Variants in PI15 observed in about 807,000 individuals in gnomAD.
PI15 encodes the protein 25 kDa trypsin inhibitor.
In PI15, 18 loss-of-function variants were observed where a neutral mutation model predicts 31.0. The observed-to-expected ratio is 0.58, with a 90% CI of 0.40 to 0.86. The LOEUF (loss-of-function observed/expected upper bound fraction) is 0.86. PI15 is among the 40% of genes least tolerant of loss of function. The probability of loss-of-function intolerance (pLI) is 0.00; values close to 1 mark genes in which losing one functional copy is unlikely to be tolerated. For synonymous variants in PI15, 118 were observed against 119.1 expected, an observed-to-expected ratio of 0.99 and a Z score of 0.06; for missense variants, 282 against 328.1, an observed-to-expected ratio of 0.86 and a Z score of 1.09.
At chr8:74,832,057 A>G (rs1810789674) in intron 2 of PI15, among the ~76,000 whole-genome samples, 1 of 152,180 alleles carries the variant, frequency 6.6e-6, no homozygotes. Flanking sequence ...AGAGGCTGTT[A>G]GGATAGTCTA....
At chr8:74,845,605 C>T (rs1811015175) in intron 5 of PI15, 108 bp downstream of exon 5, 1 of 672,038 alleles carries the variant, frequency 1.5e-6, no homozygotes, top group African/African-American at 1.8e-5. Context: ...GCTATAATGG[C>T]CTCTAATCCT....
chr8:74,843,405 T>TC (rs1285915325), intron 2 of PI15, among the ~76,000 whole-genome samples: 3 of 152,210 alleles, frequency 2.0e-5, no homozygotes, highest in Non-Finnish European at 2.9e-5. Flanking sequence ...TTTCTTTTAG[T>TC]TATAGCAGTC....
At chr8:74,842,244 A>C (rs577468515) in intron 2 of PI15, among the ~76,000 whole-genome samples, 2 of 152,106 alleles carry the variant, frequency 1.3e-5, no homozygotes, top group Non-Finnish European at 2.9e-5. Context: ...TAGGACAAAA[A>C]AGATCAATAG....
In PI15 at chr8:74,825,269, T is replaced by C. The variant is rs376840254; in HGVS notation, c.20T>C (p.Val7Ala). 9.9e-6 allele frequency: 16 copies of C among 1,613,428 alleles called. No homozygotes were observed. The highest frequency in any genetic ancestry group is 1.4e-5 in the Non-Finnish European group (16 of 1,179,556). ...CTCAAAATGATAGCAATCTCTGCCG[T>C]CAGCAGTGCACTCCTGTTCTCCCTT... The part of the protein sequence containing the change: MIAISA[V>A]SSALLFSLLC... The change falls in exon 2 of 6, where the codon GTC becomes GCC. Residue 7 changes from valine to alanine, a missense_variant. Coordinates refer to ENST00000260113, the MANE Select transcript of PI15 (RefSeq NM_015886.5).
At position 74,853,079 on chromosome 8, in the gene PI15, G is replaced by T. The variant is rs1811130218; in HGVS notation, c.*3826G>T. 1.3e-5 allele frequency: 2 copies of T among 152,470 alleles called. No individual in the cohort carries two copies. The highest frequency in any genetic ancestry group is 2.9e-5 in the Non-Finnish European group (2 of 67,942). The allele number at this position is 152,470 out of a possible 1,614,324, so 9.4% of individuals were successfully genotyped here. On this transcript the variant is annotated 3_prime_UTR_variant, in exon 6 of 6. Transcript: ENST00000260113. ...CATGCAAAATAATTTTTTAAATTAT[G>T]TTATTGTTTAAATTTGACTTATGGG...
At chr8:74,849,032 A>G (rs1344892404) in intron 5 of PI15, 86 bp from the exon 6 acceptor site, 7 of 1,135,862 alleles carry the variant, frequency 6.2e-6, no homozygotes, top group Non-Finnish European at 8.9e-6. Flanking sequence ...ACATGTCAAT[A>G]CTTGTGAACA....
At chr8:74,832,086 T>C (rs1810790488) in intron 2 of PI15, among the ~76,000 whole-genome samples, 1 of 152,096 alleles carries the variant, frequency 6.6e-6, no homozygotes, top group Admixed American at 6.5e-5. Context: ...CAGCTACGTT[T>C]AAGGCAATAA....
intron 2 of PI15, among the ~76,000 whole-genome samples, chr8:74,829,344 C>A (rs1259357180): frequency 6.6e-6 from 1 of 152,004 alleles, no homozygotes; most frequent in Non-Finnish European, 1.5e-5. Context: ...CTTTTTTACT[C>A]TTGGCTTCTG....
rs533038558 is a variant in PI15, at chr8:74,841,915, G to C, written c.274-2066G>C. Among the ~76,000 whole-genome samples the C allele has an allele frequency of 6.7e-4, 102 of 152,270 alleles. 1 individual carries two copies. Among genetic ancestry groups the C allele is most frequent in the Non-Finnish European group, 4.3e-4 (29 of 68,012 alleles). On this transcript the variant is annotated intron_variant, in intron 2 of 5. Coordinates refer to ENST00000260113, the MANE Select transcript of PI15 (RefSeq NM_015886.5). The stretch of plus-strand genomic sequence containing the variant: ...AATCCTAGGTCAATTTATGTAAGAT[G>C]ACTTTGTTTTTCCTAATTTAAAACT...
chr8:74,845,540 C>A, intron 5 of PI15, 43 bp downstream of exon 5: 1 of 1,194,056 alleles, frequency 8.4e-7, no homozygotes, highest in African/African-American at 1.5e-5. Flanking sequence ...CCTTTAAAGA[C>A]GTTAAATATC....
At chr8:74,845,663 G>C (rs570387742) in intron 5 of PI15, among the ~76,000 whole-genome samples, 166 bp downstream of exon 5, 23 of 152,196 alleles carry the variant, frequency 1.5e-4, no homozygotes, top group African/African-American at 5.5e-4. Flanking sequence ...TAGCTGAAAG[G>C]TTACTTCTCA....
intron 2 of PI15, among the ~76,000 whole-genome samples, chr8:74,830,131 G>T (rs1810760435): frequency 6.6e-6 from 1 of 152,040 alleles, no homozygotes; most frequent in African/African-American, 2.4e-5. Context: ...AGATAAGGAA[G>T]AACCGCACAG....
chr8:74,854,978 CT>C lies in PI15; in HGVS notation c.*5730del, dbSNP rs1316120937. ...TCCTTATGAACCATAACAAATGTAG[CT>C]TTTTAAAGTCCATTGTATTGTTTTT... On this transcript the variant is annotated 3_prime_UTR_variant, in exon 6 of 6. Coordinates refer to ENST00000260113, the MANE Select transcript of PI15 (RefSeq NM_015886.5). The C allele has an allele frequency of 1.3e-5, 2 of 151,928 alleles. No individual in the cohort carries two copies. Among genetic ancestry groups the C allele is most frequent in the Non-Finnish European group, 2.9e-5 (2 of 67,998 alleles). The allele number at this position is 151,928 out of a possible 1,614,324, so 9.4% of individuals were successfully genotyped here.
chr8:74,844,782 A>G (rs1811000006), intron 3 of PI15: 2 of 234,240 alleles, frequency 8.5e-6, no homozygotes, highest in Non-Finnish European at 1.7e-5. Context: ...ACTTTTATAC[A>G]TCTAATTCTG....
Position 74,845,490 on chromosome 8 carries a change from GC to G in PI15, c.638del (p.Pro213GlnfsTer13), listed in dbSNP as rs1361923369. 1.9e-6 allele frequency: 3 copies of G among 1,597,586 alleles called. No individual in the cohort carries two copies. Among genetic ancestry groups the G allele is most frequent in the Non-Finnish European group, 2.6e-6 (3 of 1,165,104 alleles). On this transcript the variant is annotated frameshift_variant, in exon 5 of 6. Coordinates refer to ENST00000260113, the MANE Select transcript of PI15 (RefSeq NM_015886.5). LOFTEE classifies it high-confidence loss of function. ...RRAVYLVCNY[A>X]PKGNWIGEAP... The stretch of plus-strand genomic sequence containing the variant: ...TGCAGTTTACTTGGTATGCAACTAT[GC>G]CCCAAAGTAAGTACCAGGTTGGATT...
chr8:74,848,424 A>G (rs1013902630), intron 5 of PI15, among the ~76,000 whole-genome samples: 1 of 152,076 alleles, frequency 6.6e-6, no homozygotes, highest in Non-Finnish European at 1.5e-5. Flanking sequence ...TGTGTATATG[A>G]TAACTTATTA....
At chr8:74,825,168 A>AT (rs779177501) in intron 1 of PI15, 42 bp from the exon 2 acceptor site, 169 of 1,215,792 alleles carry the variant, frequency 1.4e-4, no homozygotes, top group Non-Finnish European at 1.8e-4. Context: ...CTCTGGCCCT[A>AT]TTTTTTTTCA....
chr8:74,826,988 G>T (rs755304591), intron 2 of PI15, among the ~76,000 whole-genome samples: 5 of 152,052 alleles, frequency 3.3e-5, no homozygotes, highest in Non-Finnish European at 1.5e-5. Flanking sequence ...GTAAAAATTA[G>T]ATGAGCAAAC....
At chr8:74,848,732 T>TATATAGAGAGAG (rs1191072583) in intron 5 of PI15, among the ~76,000 whole-genome samples, 12 of 136,352 alleles carry the variant, frequency 8.8e-5, no homozygotes, top group African/African-American at 3.3e-4. Context: ...TATATATATA[T>TATATAGAGAGAG]AGAGAGAGAG....
Sources: allele counts gnomAD v4.1 joint callset (sites outside exome capture counted in the v4.1 genomes callset), GRCh38; gene constraint gnomAD v4.1.1; transcripts MANE v1.5; gene names NCBI Gene and HGNC (gene_info 2026-07-23, HGNC 2026-07-21).